Variants in PLEKHA7 observed in about 807,000 individuals in gnomAD.
PLEKHA7 encodes pleckstrin homology domain containing A7, also known as pleckstrin homology domain-containing family A member 7.
In PLEKHA7, 104 loss-of-function variants were observed where a neutral mutation model predicts 170.0. The ratio of observed to expected loss-of-function variants is 0.61; its 90% CI spans 0.52 to 0.72. PLEKHA7 has a LOEUF of 0.72. Among genes scored for constraint, PLEKHA7 ranks in the 30% least tolerant of loss-of-function variants. The probability of loss-of-function intolerance (pLI) is 0.00; values close to 1 mark genes in which losing one functional copy is unlikely to be tolerated. For synonymous variants in PLEKHA7, 648 were observed against 660.8 expected (o/e 0.98, Z 0.30); for missense variants, 1,615 against 1,671.7 (o/e 0.97, Z 0.59).
chr11:16,835,320 C>T (rs1281753642), intron 9 of PLEKHA7, among the ~76,000 whole-genome samples: 1 of 152,050 alleles, frequency 6.6e-6, no homozygotes, highest in African/African-American at 2.4e-5. Context: ...TGCTCCTGGG[C>T]CAGAAGAATA....
At chr11:16,954,892 A>T (rs1382860871) in intron 3 of PLEKHA7, among the ~76,000 whole-genome samples, 6 of 151,792 alleles carry the variant, frequency 4.0e-5, no homozygotes. Flanking sequence ...GGGTTTCACT[A>T]TGTTGGCCAG....
rs2134206214 is a variant in PLEKHA7, at chr11:16,789,986, A to G, written c.3053-108T>C. ...GAGTACCAAGAGCACCCAGTCAATGACCCACCCTTATTTCTCTTCTTCCTC... is the reference window on the plus strand; with the variant it reads ...GAGTACCAAGAGCACCCAGTCAATGGCCCACCCTTATTTCTCTTCTTCCTC... On this transcript the variant is annotated intron_variant, in intron 21 of 26. Transcript: ENST00000531066. The surrounding 1 kb of genome is among the most constrained non-coding windows in gnomAD (Gnocchi z 4.6). The G allele has an allele frequency of 1.0e-6, 1 of 953,616 alleles. No individual in the cohort carries two copies. The highest frequency in any genetic ancestry group is 1.6e-6 in the Non-Finnish European group (1 of 609,980). The allele number at this position is 953,616 out of a possible 1,614,324, so 59.1% of individuals were successfully genotyped here. A position where few individuals can be genotyped will look rare whatever the true frequency, so the allele number is the denominator to read the frequency against.
rs945668673 is a variant in PLEKHA7 at position 16,789,739 on chromosome 11, G to A, written c.3156+36C>T. 6.4e-7 allele frequency: 1 copy of A among 1,553,990 alleles called. No homozygotes were observed. Among genetic ancestry groups the A allele is most frequent in the African/African-American group, 1.4e-5 (1 of 73,602 alleles). On this transcript the variant is annotated intron_variant, in intron 22 of 26. Transcript: ENST00000531066. This position sits in a 1 kb window ranked among gnomAD's most constrained non-coding sequence, Gnocchi z 4.6. Reference sequence around the variant, plus strand: ...GGAGACCCTCCCTCCCCATGTGAAGGAGCAGGGAGGTCCTCGACAGCTCAA... The same window carrying A: ...GGAGACCCTCCCTCCCCATGTGAAGAAGCAGGGAGGTCCTCGACAGCTCAA...
chr11:16,795,080 T>C, intron 17 of PLEKHA7, 62 bp from the exon 18 acceptor site: 1 of 1,207,608 alleles, frequency 8.3e-7, no homozygotes, highest in African/African-American at 1.5e-5. Flanking sequence ...TCTTAGGACT[T>C]ATCCTACCAT....
chr11:16,796,829 T>C (rs1015570099), intron 17 of PLEKHA7, among the ~76,000 whole-genome samples: 2 of 152,046 alleles, frequency 1.3e-5, no homozygotes, highest in African/African-American at 4.8e-5. Flanking sequence ...CTAGTTTTTC[T>C]TTTTCTTTTT....
At chr11:16,787,203 G>A in intron 23 of PLEKHA7, 1 of 985,426 alleles carries the variant, frequency 1.0e-6, no homozygotes, top group Non-Finnish European at 1.2e-6. Context: ...TGAGCAGGTT[G>A]TTGAGAACAG....
At chr11:16,984,964 A>C (rs1390886056) in intron 3 of PLEKHA7, among the ~76,000 whole-genome samples, 1 of 152,212 alleles carries the variant, frequency 6.6e-6, no homozygotes, top group Non-Finnish European at 1.5e-5. Context: ...AGTGGGATTA[A>C]AATTGAGGCC....
chr11:16,827,909 G>A (rs752513947), intron 9 of PLEKHA7, among the ~76,000 whole-genome samples: 1 of 149,728 alleles, frequency 6.7e-6, no homozygotes, highest in African/African-American at 2.4e-5. Flanking sequence ...ATCTCAACAT[G>A]AGAGTACATA....
At chr11:16,934,914 C>T (rs1860182222) in intron 3 of PLEKHA7, among the ~76,000 whole-genome samples, 1 of 152,098 alleles carries the variant, frequency 6.6e-6, no homozygotes, top group South Asian at 2.1e-4. Flanking sequence ...ATAATTAGCA[C>T]CTGTATTTTT....
intron 3 of PLEKHA7, among the ~76,000 whole-genome samples, chr11:17,011,971 G>C (rs1339347595): frequency 6.6e-6 from 1 of 151,670 alleles, no homozygotes; most frequent in Non-Finnish European, 1.5e-5. Context: ...AGACTATTCA[G>C]TCCATCATGA....
rs546991826 is a variant in PLEKHA7 at position 16,905,973 on chromosome 11, G to T, written c.222-34791C>A. ...CTTTCCTTGATAGCAGCCCTCTAGG[G>T]CCCTGGAGTGAGGGACAGCTCTTCT... is the stretch of plus-strand genomic sequence containing the variant. On this transcript the variant is annotated intron_variant, in intron 3 of 26. Transcript: ENST00000531066. Among the ~76,000 whole-genome samples, 49 of 150,066 alleles carry T rather than the reference G, an allele frequency of 3.3e-4. 1 individual carries two copies. The highest frequency in any genetic ancestry group is 1.2e-3 in the African/African-American group (48 of 41,310).
At position 16,925,573 on chromosome 11, in the gene PLEKHA7, G is replaced by A. The variant is rs765308375; in HGVS notation, c.222-54391C>T. Among the ~76,000 whole-genome samples, 210 of 152,336 alleles carry A rather than the reference G, an allele frequency of 1.4e-3. 2 individuals carry two copies. Among genetic ancestry groups the A allele is most frequent in the Non-Finnish European group, 2.5e-3 (171 of 68,034 alleles). On this transcript the variant is annotated intron_variant, in intron 3 of 26. Coordinates refer to ENST00000531066, the MANE Select transcript of PLEKHA7 (RefSeq NM_001329630.2). Reference sequence around the variant, plus strand: ...CCTGCCAGACCCCCAGCGTGGCGGGGCACGCGTCCCAGGGAGGACAGCTCC... The same window carrying A: ...CCTGCCAGACCCCCAGCGTGGCGGGACACGCGTCCCAGGGAGGACAGCTCC...
In PLEKHA7 at chr11:16,789,985, G is replaced by A. The variant is rs1847724045; in HGVS notation, c.3053-107C>T. The stretch of plus-strand genomic sequence containing the variant: ...GGAGTACCAAGAGCACCCAGTCAAT[G>A]ACCCACCCTTATTTCTCTTCTTCCT... On this transcript the variant is annotated intron_variant, in intron 21 of 26. Coordinates refer to ENST00000531066, the MANE Select transcript of PLEKHA7 (RefSeq NM_001329630.2). The surrounding 1 kb of genome is among the most constrained non-coding windows in gnomAD (Gnocchi z 4.6). 9 of 965,712 alleles carry A rather than the reference G, an allele frequency of 9.3e-6. No homozygotes were observed. In the East Asian group the frequency reaches 2.3e-4, roughly 25 times the overall value. The allele number at this position is 965,712 out of a possible 1,614,324, so 59.8% of individuals were successfully genotyped here.
chr11:16,824,154 A>T (rs2134895196), intron 10 of PLEKHA7, among the ~76,000 whole-genome samples: 1 of 152,330 alleles, frequency 6.6e-6, no homozygotes, highest in Non-Finnish European at 1.5e-5. Context: ...GGGTACAAAA[A>T]TATAGTTAGA....
At chr11:16,944,947 C>CAG (rs1860932530) in intron 3 of PLEKHA7, among the ~76,000 whole-genome samples, 1 of 152,104 alleles carries the variant, frequency 6.6e-6, no homozygotes, top group African/African-American at 2.4e-5. Context: ...CTTTAAGGAT[C>CAG]AGAGGAGTTC....
At chr11:16,923,398 G>C (rs1461178003) in intron 3 of PLEKHA7, among the ~76,000 whole-genome samples, 1 of 152,218 alleles carries the variant, frequency 6.6e-6, no homozygotes, top group Non-Finnish European at 1.5e-5. Context: ...CTGCCATGGA[G>C]TGTACACACC....
intron 3 of PLEKHA7, among the ~76,000 whole-genome samples, chr11:16,908,256 TA>T (rs56085929): frequency 0.28 from 29,606 of 104,302 alleles, 3,496 homozygotes; most frequent in African/African-American, 0.44. Flanking sequence ...GAATGATCAA[TA>T]AAAAAAAAAA....
At chr11:17,003,683 A>C (rs752370198) in intron 3 of PLEKHA7, among the ~76,000 whole-genome samples, 12 of 152,178 alleles carry the variant, frequency 7.9e-5, no homozygotes, top group Non-Finnish European at 1.6e-4. Context: ...TCTGACTCCA[A>C]AGTCCACACA....
At chr11:16,829,232 C>A (rs971380029) in intron 9 of PLEKHA7, among the ~76,000 whole-genome samples, 1 of 151,864 alleles carries the variant, frequency 6.6e-6, no homozygotes, top group African/African-American at 2.4e-5. Flanking sequence ...CCAGGCTGGT[C>A]TCAAACTCCT....
Sources: gnomAD v4.1 joint callset for allele counts (sites outside exome capture counted in the v4.1 genomes callset) on GRCh38, gnomAD v4.1.1 for gene constraint, Gnocchi (gnomAD v3.1) non-coding constraint, MANE v1.5 for transcripts, NCBI Gene and HGNC (gene_info 2026-07-23, HGNC 2026-07-21) for gene names.